Variants in UBL3 observed in about 807,000 individuals in gnomAD.
UBL3 encodes the protein ubiquitin-like protein 3.
In UBL3, 6 loss-of-function variants were observed where a neutral mutation model predicts 18.4. The observed-to-expected ratio is 0.33, with a 90% CI of 0.18 to 0.64. UBL3 has a LOEUF of 0.64. Ranked by LOEUF, UBL3 falls within the 30% of genes least tolerant of loss-of-function variation. The pLI is 0.76. For synonymous variants in UBL3, 49 were observed against 46.6 expected (o/e 1.05, Z -0.21); for missense variants, 109 against 142.9 (o/e 0.76, Z 1.21).
rs187788214 is a variant in UBL3, at chr13:29,828,561, C to G, written c.27+20951G>C. Among the ~76,000 whole-genome samples the G allele has an allele frequency of 8.5e-5, 13 of 152,282 alleles. No individual in the cohort carries two copies. The East Asian group carries it at 1.9e-3, about 23-fold the overall frequency. On this transcript the variant is annotated intron_variant, in intron 1 of 4. Transcript: ENST00000380680. ...TAAGGACTTCTCTACACTGGTTATTCTAGTTAGCCATTCGTCTAATCTTTT... is the reference window on the plus strand; with the variant it reads ...TAAGGACTTCTCTACACTGGTTATTGTAGTTAGCCATTCGTCTAATCTTTT...
intron 1 of UBL3, among the ~76,000 whole-genome samples, chr13:29,816,595 C>CA (rs1317785183): frequency 4.1e-4 from 59 of 142,258 alleles, no homozygotes; most frequent in Admixed American, 8.4e-4. Flanking sequence ...TTTGTATCTA[C>CA]AAAAAAAAAA....
intron 1 of UBL3, among the ~76,000 whole-genome samples, chr13:29,805,838 T>C (rs1329494019): frequency 2.0e-5 from 3 of 152,224 alleles, no homozygotes; most frequent in Non-Finnish European, 4.4e-5. Context: ...CAGAAAACTA[T>C]GGCATTACAA....
At position 29,765,708 on chromosome 13, in the gene UBL3, C is replaced by CT. The variant is rs984676012; in HGVS notation, c.*1546dup. ...AGTGCTATTTACATTCATTTTAAAA[C>CT]TCTGCTCTATACAAATTTAATTCTG... is the stretch of plus-strand genomic sequence containing the variant. On this transcript the variant is annotated 3_prime_UTR_variant, in exon 5 of 5. Transcript: ENST00000380680. The CT allele has an allele frequency of 1.3e-5, 2 of 152,478 alleles. No individual in the cohort carries two copies. Among genetic ancestry groups the CT allele is most frequent in the Non-Finnish European group, 2.9e-5 (2 of 67,980 alleles). 9.4% of individuals were successfully genotyped at this position (152,478 alleles called of 1,614,324 possible). A position where few individuals can be genotyped will look rare whatever the true frequency, so the allele number is the denominator to read the frequency against.
At chr13:29,833,354 T>C (rs927940413) in intron 1 of UBL3, among the ~76,000 whole-genome samples, 1 of 152,212 alleles carries the variant, frequency 6.6e-6, no homozygotes, top group Non-Finnish European at 1.5e-5. Flanking sequence ...TGATTGGCTT[T>C]ATTGATGGGA....
At chr13:29,799,676 C>A in intron 1 of UBL3, among the ~76,000 whole-genome samples, 1 of 152,250 alleles carries the variant, frequency 6.6e-6, no homozygotes, top group Middle Eastern at 3.4e-3. Context: ...AAAAAAGAGT[C>A]AAATCCTGTA....
At chr13:29,784,721 C>T (rs1877264443) in intron 1 of UBL3, among the ~76,000 whole-genome samples, 1 of 152,098 alleles carries the variant, frequency 6.6e-6, no homozygotes, top group South Asian at 2.1e-4. Context: ...GTTACTTTGC[C>T]TATAAAAGGG....
rs1054707109 is a variant in UBL3 at position 29,765,926 on chromosome 13, G to T, written c.*1329C>A. The T allele has an allele frequency of 6.6e-6, 1 of 152,394 alleles. No individual in the cohort carries two copies. Among genetic ancestry groups the T allele is most frequent in the Non-Finnish European group, 1.5e-5 (1 of 67,970 alleles). The allele number at this position is 152,394 out of a possible 1,614,324, so 9.4% of individuals were successfully genotyped here. ...CAGCCTGCAACTTCATTTTTATAAA[G>T]GCTAAACTTATTTATATGGAATATT... On this transcript the variant is annotated 3_prime_UTR_variant, in exon 5 of 5. Transcript: ENST00000380680.
intron 1 of UBL3, among the ~76,000 whole-genome samples, chr13:29,798,128 C>T (rs550817842): frequency 1.9e-3 from 283 of 152,026 alleles, no homozygotes; most frequent in African/African-American, 5.5e-3. Flanking sequence ...TGAGTTCAAG[C>T]GATTCTCCTG....
In UBL3 at chr13:29,810,685, G is replaced by GT. The variant is rs933579150; in HGVS notation, c.28-33423dup. Among the ~76,000 whole-genome samples the GT allele has an allele frequency of 5.1e-4, 77 of 152,166 alleles. No homozygotes were observed. The Middle Eastern group carries it at 0.01, about 20-fold the overall frequency. ...AAGTGAAAATACAGGTATTTTTAGT[G>GT]TAACAGTGAGTTTTCTACGTGTGAA... is the stretch of plus-strand genomic sequence containing the variant. On this transcript the variant is annotated intron_variant, in intron 1 of 4. Transcript: ENST00000380680.
At chr13:29,795,502 ATTAG>A (rs1370602038) in intron 1 of UBL3, among the ~76,000 whole-genome samples, 2 of 151,986 alleles carry the variant, frequency 1.3e-5, no homozygotes, top group East Asian at 1.9e-4. Context: ...AGTGACTAAC[ATTAG>A]TTATATTATT....
At chr13:29,827,425 TAC>T (rs749600538) in intron 1 of UBL3, among the ~76,000 whole-genome samples, 2 of 152,226 alleles carry the variant, frequency 1.3e-5, no homozygotes, top group Non-Finnish European at 2.9e-5. Flanking sequence ...TTGATCCCTT[TAC>T]CATTATGTAA....
intron 1 of UBL3, among the ~76,000 whole-genome samples, chr13:29,848,165 T>C (rs995217338): frequency 2.7e-5 from 4 of 150,450 alleles, no homozygotes; most frequent in African/African-American, 9.8e-5. Context: ...ATCAGCAGGC[T>C]GGGCGCAGTG....
chr13:29,835,102 AT>A (rs1878894406), intron 1 of UBL3, among the ~76,000 whole-genome samples: 2 of 28,826 alleles, frequency 6.9e-5, no homozygotes, highest in Admixed American at 1.1e-3. Flanking sequence ...ATATATATAT[AT>A]ATAAATATAT....
chr13:29,846,529 T>C (rs1026425284), intron 1 of UBL3, among the ~76,000 whole-genome samples: 2 of 152,140 alleles, frequency 1.3e-5, no homozygotes, highest in Admixed American at 6.5e-5. Context: ...AAATTTTAAA[T>C]GGGAGTTCTA....
At chr13:29,772,038 C>G in intron 3 of UBL3, 74 bp downstream of exon 3, 4 of 1,302,958 alleles carry the variant, frequency 3.1e-6, no homozygotes, top group Non-Finnish European at 4.3e-6. Flanking sequence ...AATTCAAAGA[C>G]ATTAACATTT....
chr13:29,826,138 GA>G (rs1878612833), intron 1 of UBL3, among the ~76,000 whole-genome samples: 1 of 152,182 alleles, frequency 6.6e-6, no homozygotes, highest in Non-Finnish European at 1.5e-5. Flanking sequence ...GTTCATCAGG[GA>G]TATTGGTCTA....
chr13:29,796,505 A>G (rs1024286141), intron 1 of UBL3, among the ~76,000 whole-genome samples: 1 of 152,208 alleles, frequency 6.6e-6, no homozygotes, highest in Non-Finnish European at 1.5e-5. Flanking sequence ...TAAACTTATA[A>G]AAATGGTCAA....
At chr13:29,823,863 C>T (rs1448718074) in intron 1 of UBL3, among the ~76,000 whole-genome samples, 1 of 147,054 alleles carries the variant, frequency 6.8e-6, no homozygotes, top group Non-Finnish European at 1.5e-5. Context: ...CCCCCTCCCC[C>T]CATCCAACCA....
chr13:29,844,746 T>C (rs1009701195), intron 1 of UBL3, among the ~76,000 whole-genome samples: 9 of 152,134 alleles, frequency 5.9e-5, no homozygotes, highest in African/African-American at 2.2e-4. Flanking sequence ...TTACTAAGTA[T>C]ATGCTTCAGT....
Sources: allele counts gnomAD v4.1 joint callset (sites outside exome capture counted in the v4.1 genomes callset), GRCh38; gene constraint gnomAD v4.1.1; transcripts MANE v1.5; gene names NCBI Gene and HGNC (gene_info 2026-07-23, HGNC 2026-07-21).